ROBO2: variants seen among roughly 807,000 people sequenced by gnomAD.
ROBO2 encodes roundabout homolog 2.
ROBO2 carries 53 observed loss-of-function variants against 160.8 expected under a neutral mutation model. That is an observed-to-expected ratio of 0.33 (90% CI 0.26 to 0.41). ROBO2 has a LOEUF of 0.41. ROBO2 is among the 10% of genes least tolerant of loss of function. ROBO2 has a pLI of 1.00. For missense variants in ROBO2, 1,577 were observed against 1,722.4 expected (o/e 0.92, Z 1.49); for synonymous variants, 664 against 611.7 (o/e 1.09, Z -1.26).
intron 2 of ROBO2, among the ~76,000 whole-genome samples, chr3:76,760,080 T>C (rs1248647645): frequency 2.6e-5 from 4 of 151,482 alleles, no homozygotes; most frequent in African/African-American, 9.7e-5. Flanking sequence ...AGCAAAAGAG[T>C]GGAGAAGGCA....
intron 2 of ROBO2, among the ~76,000 whole-genome samples, chr3:76,815,178 A>C (rs776447401): frequency 8.5e-5 from 13 of 152,166 alleles, no homozygotes; most frequent in Non-Finnish European, 1.8e-4. Flanking sequence ...TTAGTATCTA[A>C]ATTTTTGTAA....
intron 2 of ROBO2, among the ~76,000 whole-genome samples, chr3:76,059,334 T>TGA (rs1271045357): frequency 1.3e-5 from 2 of 152,078 alleles, no homozygotes; most frequent in Non-Finnish European, 2.9e-5. Context: ...TTTTGAATGA[T>TGA]TGCCATTCTA....
At chr3:76,493,798 C>T (rs189118969) in intron 2 of ROBO2, among the ~76,000 whole-genome samples, 126 of 152,230 alleles carry the variant, frequency 8.3e-4, no homozygotes, top group Non-Finnish European at 1.4e-3. Context: ...TGCATCTCCC[C>T]TTTCTTCTCA....
At chr3:77,589,616 C>G (rs930970859) in intron 17 of ROBO2, among the ~76,000 whole-genome samples, 2 of 151,990 alleles carry the variant, frequency 1.3e-5, no homozygotes, top group African/African-American at 4.8e-5. Flanking sequence ...TTCTTAGACT[C>G]CAAGACAGAG....
At chr3:76,772,693 G>T (rs1576537077) in intron 2 of ROBO2, among the ~76,000 whole-genome samples, 1 of 150,752 alleles carries the variant, frequency 6.6e-6, no homozygotes, top group Admixed American at 6.6e-5. Flanking sequence ...TCCTGTTAAG[G>T]GGTACTGTAA....
intron 24 of ROBO2, among the ~76,000 whole-genome samples, chr3:77,637,385 A>T (rs1470091190): frequency 6.6e-6 from 1 of 152,220 alleles, no homozygotes; most frequent in Non-Finnish European, 1.5e-5. Context: ...AAGAGGACTT[A>T]AAAAGCCAAA....
chr3:76,855,904 C>G (rs1403639539), intron 2 of ROBO2, among the ~76,000 whole-genome samples: 1 of 152,136 alleles, frequency 6.6e-6, no homozygotes, highest in Non-Finnish European at 1.5e-5. Flanking sequence ...CTCACAAACT[C>G]ATTGAAAGCA....
chr3:77,574,406 G>T, intron 13 of ROBO2, 93 bp from the exon 15 acceptor site: 1 of 1,052,292 alleles, frequency 9.5e-7, no homozygotes, highest in Non-Finnish European at 1.5e-6. Flanking sequence ...TAGTTATGAG[G>T]ACAGAAATGG....
At position 76,824,501 on chromosome 3, in the gene ROBO2, T is replaced by C. The variant is rs2109196140; in HGVS notation, c.110-273513T>C. Among the ~76,000 whole-genome samples the C allele has an allele frequency of 2.0e-5, 3 of 152,332 alleles. No individual in the cohort carries two copies. In the Middle Eastern group the frequency reaches 0.01, roughly 518 times the overall value. On this transcript the variant is annotated intron_variant, in intron 2 of 26. Transcript: ENST00000487694. ...CATCTTCCTATTTCATGTGCTTTCA[T>C]ACTTTTCTAAACTTTATTACTTTCA...
At chr3:77,466,341 A>T (rs897316065) in intron 2 of ROBO2, among the ~76,000 whole-genome samples, 3 of 152,152 alleles carry the variant, frequency 2.0e-5, no homozygotes, top group African/African-American at 7.2e-5. Flanking sequence ...ATCCACAAGC[A>T]TGTGGAATAT....
chr3:76,988,044 G>A (rs184544393), intron 2 of ROBO2, among the ~76,000 whole-genome samples: 1 of 151,724 alleles, frequency 6.6e-6, no homozygotes. Flanking sequence ...AACTTTATTT[G>A]GTAATTAAAA....
At chr3:76,109,812 C>T (rs1404672910) in intron 2 of ROBO2, among the ~76,000 whole-genome samples, 2 of 151,852 alleles carry the variant, frequency 1.3e-5, no homozygotes, top group African/African-American at 4.8e-5. Context: ...CATCCCTCAT[C>T]CCTCTCCCAC....
chr3:77,062,950 C>T (rs567508783), intron 1 of ROBO2, among the ~76,000 whole-genome samples: 116 of 152,144 alleles, frequency 7.6e-4, no homozygotes, highest in African/African-American at 2.5e-3. Flanking sequence ...CTCCCAGTTA[C>T]ATTTTTTTTA....
intron 2 of ROBO2, among the ~76,000 whole-genome samples, chr3:76,994,979 T>C (rs2060904502): frequency 6.6e-6 from 1 of 152,200 alleles, no homozygotes; most frequent in African/African-American, 2.4e-5. Flanking sequence ...CTTTAAGTTC[T>C]AGGGTACATG....
intron 2 of ROBO2, among the ~76,000 whole-genome samples, chr3:76,317,203 T>G (rs1301998429): frequency 6.6e-6 from 1 of 152,214 alleles, no homozygotes; most frequent in African/African-American, 2.4e-5. Flanking sequence ...TAATAAATAT[T>G]TGATGAATGG....
chr3:77,112,307 G>A (rs1407691987), intron 2 of ROBO2, among the ~76,000 whole-genome samples: 2 of 151,260 alleles, frequency 1.3e-5, no homozygotes, highest in Non-Finnish European at 2.9e-5. Context: ...GAGGTGGCGC[G>A]ATCTTGGCTC....
At chr3:77,621,880 A>T (rs2094908470) in intron 22 of ROBO2, among the ~76,000 whole-genome samples, 1 of 152,210 alleles carries the variant, frequency 6.6e-6, no homozygotes, top group South Asian at 2.1e-4. Context: ...GAACAAAAGT[A>T]TAATATTTTT....
chr3:77,493,530 C>A, intron 5 of ROBO2, 148 bp downstream of exon 5: 2 of 851,434 alleles, frequency 2.3e-6, no homozygotes, highest in Non-Finnish European at 3.8e-6. Flanking sequence ...CACATATTTA[C>A]TGTTTGTATG....
At chr3:77,423,596 C>T (rs1485771997) in intron 2 of ROBO2, among the ~76,000 whole-genome samples, 1 of 152,106 alleles carries the variant, frequency 6.6e-6, no homozygotes, top group African/African-American at 2.4e-5. Flanking sequence ...TCCCTCCCCA[C>T]TTTTTTCTGA....
Sources: allele counts gnomAD v4.1 joint callset (sites outside exome capture counted in the v4.1 genomes callset), GRCh38; gene constraint gnomAD v4.1.1; transcripts MANE v1.5; gene names NCBI Gene and HGNC (gene_info 2026-07-23, HGNC 2026-07-21).